The following GRTP1 variants were observed in gnomAD, a reference collection of about 807,000 sequenced individuals.
GRTP1 encodes growth hormone-regulated TBC protein 1.
A neutral mutation model predicts 38.1 loss-of-function variants in GRTP1; 56 were observed. The ratio of observed to expected loss-of-function variants is 1.47; its 90% CI spans 1.19 to 1.84. GRTP1 has a LOEUF of 1.84. GRTP1 is among the 40% of genes most tolerant of loss of function. The pLI, the probability that GRTP1 is intolerant of heterozygous loss-of-function variation, is 0.00. For missense variants in GRTP1, 506 were observed against 453.9 expected, an observed-to-expected ratio of 1.11 and a Z score of -1.04; for synonymous variants, 217 against 189.5, an observed-to-expected ratio of 1.14 and a Z score of -1.19.
At chr13:113,325,426 G>T in intron 7 of GRTP1, 1 of 1,442,978 alleles carries the variant, frequency 6.9e-7, no homozygotes, top group Non-Finnish European at 9.0e-7. Context: ...CAGCCATTAG[G>T]ACCAGGAGCA....
Position 113,348,590 on chromosome 13 carries a change from G to A in GRTP1, c.465+2259C>T, listed in dbSNP as rs1419076755. Reference sequence around the variant, plus strand: ...TGTTGCAGATGTCATTACGGATGGGGTCATGGAGGAGTTGGTGGGCCCTAT... The same window carrying A: ...TGTTGCAGATGTCATTACGGATGGGATCATGGAGGAGTTGGTGGGCCCTAT... On this transcript the variant is annotated intron_variant, in intron 4 of 7. Coordinates refer to ENST00000375431, the MANE Select transcript of GRTP1 (RefSeq NM_024719.4). The surrounding 1 kb of genome is among the most constrained non-coding windows in gnomAD (Gnocchi z 4.8). 1.3e-5 allele frequency among the ~76,000 whole-genome samples: 2 copies of A among 152,174 alleles called. No homozygotes were observed. Among genetic ancestry groups the A allele is most frequent in the Non-Finnish European group, 2.9e-5 (2 of 68,038 alleles).
intron 5 of GRTP1, among the ~76,000 whole-genome samples, chr13:113,334,762 A>G (rs1164573071): frequency 6.6e-6 from 1 of 152,208 alleles, no homozygotes; most frequent in African/African-American, 2.4e-5. Context: ...TGAGCACCAC[A>G]GCCCGGCAGT....
At chr13:113,333,616 T>C (rs2042907157) in intron 5 of GRTP1, among the ~76,000 whole-genome samples, 1 of 152,114 alleles carries the variant, frequency 6.6e-6, no homozygotes, top group South Asian at 2.1e-4. Flanking sequence ...ACAATTCTCG[T>C]GCCTCAGCCT....
chr13:113,351,540 T>C (rs1203636086), intron 3 of GRTP1: 4 of 157,208 alleles, frequency 2.5e-5, no homozygotes, highest in Non-Finnish European at 5.7e-5. Flanking sequence ...TGCCGGCCTC[T>C]TCCTTCCTCA....
intron 5 of GRTP1, among the ~76,000 whole-genome samples, chr13:113,329,211 G>A (rs1031572933): frequency 5.3e-5 from 8 of 152,212 alleles, no homozygotes; most frequent in Non-Finnish European, 7.3e-5. Flanking sequence ...CCTGGCCACC[G>A]ACAGTTAAGG....
rs868204015 is a variant in GRTP1 at position 113,346,342 on chromosome 13, G to A, written c.466-1383C>T. Among the ~76,000 whole-genome samples the A allele has an allele frequency of 3.4e-4, 9 of 26,646 alleles. 1 individual carries two copies. The highest frequency in any genetic ancestry group is 9.3e-4 in the African/African-American group (5 of 5,378). 17.5% of individuals were successfully genotyped at this position (26,646 alleles called of 152,430 possible). ...CAGACCCGGGAGGACCTCTGTGGCCGAGAGCGGACCCAGGAGGACCTCTGT... is the reference window on the plus strand; with the variant it reads ...CAGACCCGGGAGGACCTCTGTGGCCAAGAGCGGACCCAGGAGGACCTCTGT... On this transcript the variant is annotated intron_variant, in intron 4 of 7. Coordinates refer to ENST00000375431, the MANE Select transcript of GRTP1 (RefSeq NM_024719.4).
In GRTP1 at chr13:113,324,406, A is replaced by C; in HGVS notation, c.*82T>G. ...CAAGTATTTACAACACTAAAAAGGA[A>C]AGCAGTGAAAGTTGGTCCAGTGTCA... On this transcript the variant is annotated 3_prime_UTR_variant, in exon 8 of 8. Coordinates refer to ENST00000375431, the MANE Select transcript of GRTP1 (RefSeq NM_024719.4). 2 of 1,428,412 alleles carry C rather than the reference A, an allele frequency of 1.4e-6. No individual in the cohort carries two copies. The highest frequency in any genetic ancestry group is 1.8e-6 in the Non-Finnish European group (2 of 1,086,182). 88.5% of individuals were successfully genotyped at this position (1,428,412 alleles called of 1,614,324 possible). A position where few individuals can be genotyped will look rare whatever the true frequency, so the allele number is the denominator to read the frequency against.
intron 5 of GRTP1, among the ~76,000 whole-genome samples, chr13:113,326,348 T>G (rs947520319): frequency 2.8e-5 from 3 of 107,122 alleles, no homozygotes; most frequent in Non-Finnish European, 5.7e-5. Context: ...TGGGCATCAG[T>G]TAAAATCTGC....
intron 3 of GRTP1, among the ~76,000 whole-genome samples, chr13:113,353,213 G>A (rs1350646897): frequency 6.7e-6 from 1 of 149,614 alleles, no homozygotes; most frequent in Non-Finnish European, 1.5e-5. Context: ...CCACACTCTG[G>A]GTAGGAACCC....
In GRTP1 at chr13:113,350,891, C is replaced by G. The variant is rs764467354; in HGVS notation, c.423G>C (p.Leu141=). The change falls in exon 4 of 8, where the codon CTG becomes CTC. Residue 141 remains leucine (L), a synonymous_variant. Coordinates refer to ENST00000375431, the MANE Select transcript of GRTP1 (RefSeq NM_024719.4). ...PCLQRTLYNV[L]LAYGHHNQGV... is the part of the protein sequence containing the mutation. ...CCTGGTTATGGTGCCCATATGCCAG[C>G]AGCACATTGTACAGGGTCCTCTGTA... 1 of 1,597,908 alleles carries G rather than the reference C, an allele frequency of 6.3e-7. No homozygotes were observed. Among genetic ancestry groups the G allele is most frequent in the South Asian group, 1.1e-5 (1 of 90,348 alleles).
chr13:113,346,226 G>GCGGATCCGGGAGGACCTCTGTGGC (rs2043124330), intron 4 of GRTP1, among the ~76,000 whole-genome samples: 2 of 102,210 alleles, frequency 2.0e-5, no homozygotes, highest in East Asian at 5.3e-4. Flanking sequence ...CTGTGGCTGA[G>GCGGATCCGGGAGGACCTCTGTGGC]AACAGACCCG....
At chr13:113,350,193 C>T (rs373108385) in intron 4 of GRTP1, among the ~76,000 whole-genome samples, 3 of 152,242 alleles carry the variant, frequency 2.0e-5, no homozygotes, top group Middle Eastern at 3.4e-3. Flanking sequence ...GGAGACTGCA[C>T]GGCTCCTGGT....
rs1168426802 is a variant in GRTP1, at chr13:113,331,024, T to G, written c.563-4933A>C. Among the ~76,000 whole-genome samples, 140 of 110,440 alleles carry G rather than the reference T, an allele frequency of 1.3e-3. 1 individual carries two copies. Among genetic ancestry groups the G allele is most frequent in the Non-Finnish European group, 1.9e-3 (99 of 53,040 alleles). The allele number at this position is 110,440 out of a possible 152,430, so 72.5% of individuals were successfully genotyped here. On this transcript the variant is annotated intron_variant, in intron 5 of 7. Coordinates refer to ENST00000375431, the MANE Select transcript of GRTP1 (RefSeq NM_024719.4). ...TGCATGGAAAGCCAGGTGTGTGCAT[T>G]GGAGCACAGGTGTGTGCATGGGAGC...
intron 2 of GRTP1, among the ~76,000 whole-genome samples, chr13:113,363,492 A>C (rs1251573932): frequency 6.6e-6 from 1 of 152,136 alleles, no homozygotes; most frequent in African/African-American, 2.4e-5. Context: ...GGCGTGAGCC[A>C]CCGCGCCCGG....
chr13:113,331,725 G>A (rs1207635098), intron 5 of GRTP1, among the ~76,000 whole-genome samples: 1 of 144,024 alleles, frequency 6.9e-6, no homozygotes, highest in Non-Finnish European at 1.5e-5. Flanking sequence ...GTATAATCTC[G>A]GCTCACTGCA....
intron 5 of GRTP1, among the ~76,000 whole-genome samples, chr13:113,340,325 A>C (rs986019321): frequency 9.9e-5 from 15 of 151,756 alleles, no homozygotes; most frequent in African/African-American, 3.6e-4. Context: ...ATAAAAAAAA[A>C]AAAATCAACT....
rs558049094 is a variant in GRTP1 at position 113,348,691 on chromosome 13, C to T, written c.465+2158G>A. Among the ~76,000 whole-genome samples, 155 of 152,224 alleles carry T rather than the reference C, an allele frequency of 1.0e-3. No homozygotes were observed. The highest frequency in any genetic ancestry group is 3.6e-3 in the African/African-American group (150 of 41,536). ...AGGAGAACGCACATGGAGATGGAGG[C>T]AGAGATTGGAGTAGTGATGCCACCC... On this transcript the variant is annotated intron_variant, in intron 4 of 7. Coordinates refer to ENST00000375431, the MANE Select transcript of GRTP1 (RefSeq NM_024719.4). The surrounding 1 kb of genome is among the most constrained non-coding windows in gnomAD (Gnocchi z 4.8).
At chr13:113,354,749 A>ACTCCTGAC (rs2043350093) in intron 3 of GRTP1, among the ~76,000 whole-genome samples, 1 of 151,612 alleles carries the variant, frequency 6.6e-6, no homozygotes, top group Non-Finnish European at 1.5e-5. Flanking sequence ...CTGGTCTCGA[A>ACTCCTGAC]CTCCTGACCT....
intron 5 of GRTP1, among the ~76,000 whole-genome samples, chr13:113,329,576 T>TC (rs2042827556): frequency 6.6e-6 from 1 of 151,954 alleles, no homozygotes; most frequent in Non-Finnish European, 1.5e-5. Context: ...AGAGTGAAAC[T>TC]CCATCTCAAA....
Sources: gnomAD v4.1 joint callset for allele counts (sites outside exome capture counted in the v4.1 genomes callset) on GRCh38, gnomAD v4.1.1 for gene constraint, Gnocchi (gnomAD v3.1) non-coding constraint, MANE v1.5 for transcripts, NCBI Gene and HGNC (gene_info 2026-07-23, HGNC 2026-07-21) for gene names.